SLC12A6: variants seen among roughly 807,000 people sequenced by gnomAD.
The protein encoded by SLC12A6 is solute carrier family 12 member 6, also known as K-Cl cotransporter 3.
Under a neutral mutation model 135.3 loss-of-function variants are expected in SLC12A6, and 66 were observed. The observed-to-expected ratio is 0.49, with a 90% CI of 0.40 to 0.60. The LOEUF is 0.60. Among genes scored for constraint, SLC12A6 ranks in the 20% least tolerant of loss-of-function variants. The pLI, the probability that SLC12A6 is intolerant of heterozygous loss-of-function variation, is 0.00. For missense variants in SLC12A6, 1,058 were observed against 1,452.3 expected (o/e 0.73, Z 4.41); for synonymous variants, 513 against 508.8 (o/e 1.01, Z -0.11).
intron 2 of SLC12A6, among the ~76,000 whole-genome samples, chr15:34,297,184 C>A (rs1895932964): frequency 6.6e-6 from 1 of 152,124 alleles, no homozygotes; most frequent in African/African-American, 2.4e-5. Context: ...TTAGTCAGAG[C>A]CTAAGCTTGG....
intron 16 of SLC12A6, among the ~76,000 whole-genome samples, 193 bp downstream of exon 16, chr15:34,243,781 A>G (rs1193860217): frequency 1.3e-5 from 2 of 152,226 alleles, no homozygotes; most frequent in Non-Finnish European, 2.9e-5. Context: ...ATTGGGTGTT[A>G]TAAGTTATTA....
chr15:34,238,468 A>T, intron 20 of SLC12A6, 67 bp from the exon 21 acceptor site: 1 of 1,243,476 alleles, frequency 8.0e-7, no homozygotes, highest in Non-Finnish European at 1.2e-6. Flanking sequence ...CATGTCAGGA[A>T]AGCAAGGAAA....
intron 4 of SLC12A6, among the ~76,000 whole-genome samples, chr15:34,260,282 G>A (rs994836692): frequency 1.3e-5 from 2 of 152,098 alleles, no homozygotes; most frequent in African/African-American, 2.4e-5. Flanking sequence ...TTTTGGAGAC[G>A]GAGTCTTGCT....
At chr15:34,293,155 C>T (rs1218220582) in intron 2 of SLC12A6, among the ~76,000 whole-genome samples, 2 of 151,766 alleles carry the variant, frequency 1.3e-5, no homozygotes, top group African/African-American at 4.8e-5. Context: ...GGAAGCGACT[C>T]CTTAAGATAC....
At chr15:34,277,783 T>C (rs1894399527) in intron 2 of SLC12A6, among the ~76,000 whole-genome samples, 3 of 152,194 alleles carry the variant, frequency 2.0e-5, no homozygotes, top group Admixed American at 1.3e-4. Context: ...CTAATATGAA[T>C]ACCTTGTATC....
At chr15:34,332,765 A>G (rs539343568) in intron 2 of SLC12A6, among the ~76,000 whole-genome samples, 80 of 151,906 alleles carry the variant, frequency 5.3e-4, no homozygotes, top group African/African-American at 1.9e-3. Context: ...CCTGGGCGAC[A>G]GCGCGAGACT....
At chr15:34,285,713 T>TACACACACACACACACACACACACA (rs776596338) in intron 2 of SLC12A6, among the ~76,000 whole-genome samples, 630 of 45,144 alleles carry the variant, frequency 0.014, 6 homozygotes, top group African/African-American at 0.029. Context: ...TGTGTGTGTG[T>TACACACACACACACACACACACACA]TTGTCATACA....
chr15:34,262,382 T>G (rs1207120784), intron 3 of SLC12A6, among the ~76,000 whole-genome samples: 1 of 152,038 alleles, frequency 6.6e-6, no homozygotes, highest in East Asian at 1.9e-4. Context: ...GAGAATTGTT[T>G]CTCATCATTC....
chr15:34,244,850 C>A (rs1164227134), intron 15 of SLC12A6, among the ~76,000 whole-genome samples: 3 of 152,164 alleles, frequency 2.0e-5, no homozygotes, highest in Non-Finnish European at 4.4e-5. Context: ...CAGTGTTCAC[C>A]TTTATCATGG....
chr15:34,321,219 T>C (rs976795856), intron 2 of SLC12A6, among the ~76,000 whole-genome samples: 6 of 152,232 alleles, frequency 3.9e-5, no homozygotes, highest in Non-Finnish European at 7.3e-5. Context: ...TTTTATTTCA[T>C]TGGTTCTTAA....
intron 2 of SLC12A6, among the ~76,000 whole-genome samples, chr15:34,319,681 C>G (rs2141121740): frequency 6.6e-6 from 1 of 151,874 alleles, no homozygotes. Flanking sequence ...TGCCTGTAGT[C>G]CCAGCTGCTC....
chr15:34,326,858 CTTTTTTTTTTTTTTTTTT>C (rs397963192), intron 2 of SLC12A6, among the ~76,000 whole-genome samples: 1 of 72,182 alleles, frequency 1.4e-5, no homozygotes, highest in Non-Finnish European at 2.3e-5. Context: ...CAACTGGCTG[CTTTTTTTTTTTTTTTTTT>C]TTTTTTTTTT....
At chr15:34,277,520 A>G (rs1045956317) in intron 2 of SLC12A6, among the ~76,000 whole-genome samples, 5 of 151,998 alleles carry the variant, frequency 3.3e-5, no homozygotes, top group Admixed American at 3.3e-4. Context: ...TAGGAATAAC[A>G]GTTCTGTAGT....
intron 2 of SLC12A6, among the ~76,000 whole-genome samples, chr15:34,317,911 G>C (rs1888764383): frequency 6.6e-6 from 1 of 152,058 alleles, no homozygotes; most frequent in Admixed American, 6.5e-5. Flanking sequence ...AGTGTGAACT[G>C]TTACCATTTA....
chr15:34,239,332 T>C (rs919393675), intron 19 of SLC12A6, among the ~76,000 whole-genome samples, 172 bp from the exon 20 acceptor site: 1 of 152,244 alleles, frequency 6.6e-6, no homozygotes, highest in African/African-American at 2.4e-5. Flanking sequence ...CATGATCTTT[T>C]GTCTTTTTGC....
intron 13 of SLC12A6, among the ~76,000 whole-genome samples, chr15:34,250,024 TCCC>T (rs575151065): frequency 4.9e-4 from 74 of 152,204 alleles, no homozygotes; most frequent in Non-Finnish European, 9.6e-4. Flanking sequence ...CCCACCTCAG[TCCC>T]CCAAGTAGCC....
At chr15:34,237,581 T>C (rs1273126718) in intron 21 of SLC12A6, 31 bp from the exon 22 acceptor site, 4 of 1,600,826 alleles carry the variant, frequency 2.5e-6, no homozygotes, top group African/African-American at 2.7e-5. Context: ...TGTGAAAAAT[T>C]AGAGCAAGGA....
At chr15:34,293,169 T>G (rs1222177607) in intron 2 of SLC12A6, among the ~76,000 whole-genome samples, 2 of 150,474 alleles carry the variant, frequency 1.3e-5, no homozygotes, top group African/African-American at 4.9e-5. Flanking sequence ...AAGATACGTG[T>G]TTTTTAAAAA....
At chr15:34,337,986 A>G (rs1334777748), upstream of SLC12A6, 2 of 151,820 alleles carry the variant, frequency 1.3e-5, no homozygotes, top group African/African-American at 4.8e-5. Context: ...CCGGGGGTGC[A>G]GTGAGAGGGC....
Sources: gnomAD v4.1 joint callset for allele counts (sites outside exome capture counted in the v4.1 genomes callset) on GRCh38, gnomAD v4.1.1 for gene constraint, MANE v1.5 for transcripts, NCBI Gene and HGNC (gene_info 2026-07-23, HGNC 2026-07-21) for gene names.